Variants in LUZP2 observed in about 807,000 individuals in gnomAD.
LUZP2 encodes leucine zipper protein 2.
Under a neutral mutation model 51.6 loss-of-function variants are expected in LUZP2, and 52 were observed. The ratio of observed to expected loss-of-function variants is 1.01; its 90% CI spans 0.81 to 1.27. LUZP2 has a LOEUF of 1.27. Among genes scored for constraint, LUZP2 ranks in the 50% most tolerant of loss-of-function variants. LUZP2 has a pLI of 0.00. For missense variants in LUZP2, 436 were observed against 395.4 expected, an observed-to-expected ratio of 1.10 and a Z score of -0.87; for synonymous variants, 154 against 137.3, an observed-to-expected ratio of 1.12 and a Z score of -0.85.
chr11:24,912,424 A>G (rs903917114), intron 6 of LUZP2, among the ~76,000 whole-genome samples: 2 of 152,086 alleles, frequency 1.3e-5, no homozygotes, highest in African/African-American at 4.8e-5. Context: ...ACTTGAATCA[A>G]TCATACTTAT....
At chr11:24,689,465 T>C (rs1019268518) in intron 1 of LUZP2, among the ~76,000 whole-genome samples, 4 of 152,170 alleles carry the variant, frequency 2.6e-5, no homozygotes, top group East Asian at 1.9e-4. Flanking sequence ...TGAGTGCTTA[T>C]TGGGAAGCGG....
intron 1 of LUZP2, among the ~76,000 whole-genome samples, chr11:24,570,166 A>G (rs942226396): frequency 2.0e-5 from 3 of 152,052 alleles, no homozygotes; most frequent in African/African-American, 7.2e-5. Context: ...TTCCATGTAT[A>G]TACTTTTCTT....
intron 9 of LUZP2, among the ~76,000 whole-genome samples, chr11:25,000,604 T>C (rs1856656831): frequency 6.6e-6 from 1 of 152,184 alleles, no homozygotes; most frequent in Admixed American, 6.5e-5. Flanking sequence ...GCTGCCACGG[T>C]ACTTAGAAAG....
chr11:24,975,752 T>A (rs1007716411), intron 7 of LUZP2, among the ~76,000 whole-genome samples: 2 of 152,034 alleles, frequency 1.3e-5, no homozygotes, highest in African/African-American at 4.8e-5. Flanking sequence ...AATATATGAA[T>A]TCCAAATCTG....
At chr11:24,631,338 T>A (rs1245752922) in intron 1 of LUZP2, among the ~76,000 whole-genome samples, 1 of 151,894 alleles carries the variant, frequency 6.6e-6, no homozygotes, top group Non-Finnish European at 1.5e-5. Context: ...TATATGGCCA[T>A]TATCATTTTG....
intron 5 of LUZP2, among the ~76,000 whole-genome samples, chr11:24,801,690 A>G (rs1849701471): frequency 6.6e-6 from 1 of 151,680 alleles, no homozygotes; most frequent in Non-Finnish European, 1.5e-5. Context: ...TTCTAATAGT[A>G]TTATCATTTA....
At chr11:25,052,611 T>C (rs575298672) in intron 10 of LUZP2, among the ~76,000 whole-genome samples, 1 of 152,298 alleles carries the variant, frequency 6.6e-6, no homozygotes, top group East Asian at 1.9e-4. Context: ...AGCCATAATA[T>C]TCTGATTTGC....
At chr11:24,718,198 T>C (rs1357910303) in intron 1 of LUZP2, among the ~76,000 whole-genome samples, 1 of 152,162 alleles carries the variant, frequency 6.6e-6, no homozygotes, top group Non-Finnish European at 1.5e-5. Flanking sequence ...TTCTACACCA[T>C]AAGCCAATTA....
chr11:24,846,585 A>G (rs565324395), intron 5 of LUZP2, among the ~76,000 whole-genome samples: 1 of 152,290 alleles, frequency 6.6e-6, no homozygotes, highest in African/African-American at 2.4e-5. Context: ...CTAGTTGTCT[A>G]TTAAAGAGAA....
In LUZP2 at chr11:24,684,956, T is replaced by C. The variant is rs570832804; in HGVS notation, c.63-44213T>C. Among the ~76,000 whole-genome samples, 280 of 152,210 alleles carry C rather than the reference T, an allele frequency of 1.8e-3. 1 individual carries two copies. Among genetic ancestry groups the C allele is most frequent in the Non-Finnish European group, 1.0e-3 (71 of 68,016 alleles). On this transcript the variant is annotated intron_variant, in intron 1 of 11. Transcript: ENST00000336930. ...GAGTGTTTTCCCTCATTTTGGATGC[T>C]TATGTGTTTCTCTTAAAGTGGATGC... is the stretch of plus-strand genomic sequence containing the variant.
intron 1 of LUZP2, among the ~76,000 whole-genome samples, chr11:24,541,569 T>A (rs1266546791): frequency 6.6e-6 from 1 of 152,138 alleles, no homozygotes; most frequent in Non-Finnish European, 1.5e-5. Flanking sequence ...GTATGGATGT[T>A]TTGTTGAATT....
At chr11:24,847,202 A>T (rs559964111) in intron 5 of LUZP2, among the ~76,000 whole-genome samples, 2 of 152,182 alleles carry the variant, frequency 1.3e-5, no homozygotes, top group South Asian at 4.1e-4. Flanking sequence ...AGCATTGTAT[A>T]TATTCATTTA....
chr11:24,906,498 T>A (rs1211641772), intron 6 of LUZP2, among the ~76,000 whole-genome samples: 2 of 152,120 alleles, frequency 1.3e-5, no homozygotes, highest in African/African-American at 4.8e-5. Flanking sequence ...TTGGTTCTAT[T>A]TGCTGTGTAG....
chr11:24,615,373 T>C (rs908888710), intron 1 of LUZP2, among the ~76,000 whole-genome samples: 14 of 152,060 alleles, frequency 9.2e-5, no homozygotes, highest in Admixed American at 6.6e-4. Flanking sequence ...CATTTTGGTC[T>C]TTTAAATAAT....
chr11:24,676,653 T>TTTTG lies in LUZP2; in HGVS notation c.63-52508_63-52505dup, dbSNP rs1323086017. 1.6e-3 allele frequency among the ~76,000 whole-genome samples: 160 copies of TTTTG among 100,900 alleles called. 2 individuals carry two copies. The highest frequency in any genetic ancestry group is 6.5e-4 in the Non-Finnish European group (30 of 46,304). 66.2% of individuals were successfully genotyped at this position (100,900 alleles called of 152,430 possible). A position where few individuals can be genotyped will look rare whatever the true frequency, so the allele number is the denominator to read the frequency against. On this transcript the variant is annotated intron_variant, in intron 1 of 11. Coordinates refer to ENST00000336930, the MANE Select transcript of LUZP2 (RefSeq NM_001009909.4). ...TAAGCCTCTCATAATTTATTTTTGT[T>TTTTG]TTTGTTTGTTTTTTTTTTGTTTGTT...
intron 1 of LUZP2, among the ~76,000 whole-genome samples, chr11:24,511,973 T>G (rs1193513458): frequency 6.6e-6 from 1 of 151,856 alleles, no homozygotes; most frequent in Non-Finnish European, 1.5e-5. Context: ...TATCAGAGAC[T>G]AGCATTTTCC....
chr11:25,015,048 A>G (rs1857108598), intron 9 of LUZP2, among the ~76,000 whole-genome samples: 1 of 152,182 alleles, frequency 6.6e-6, no homozygotes, highest in African/African-American at 2.4e-5. Context: ...TTTGTCAAAG[A>G]TCAGATAGTT....
At chr11:24,904,253 G>A (rs1178376766) in intron 5 of LUZP2, among the ~76,000 whole-genome samples, 2 of 151,872 alleles carry the variant, frequency 1.3e-5, no homozygotes, top group African/African-American at 2.4e-5. Context: ...GCATTTGTTT[G>A]TCTTCCTGTG....
rs1565131417 is a variant in LUZP2, at chr11:24,774,400, T to TCTTTATATATCTGTAGGGAGAATATATA, written c.396+11092_396+11093insCTTTATATATCTGTAGGGAGAATATATA. Among the ~76,000 whole-genome samples the TCTTTATATATCTGTAGGGAGAATATATA allele has an allele frequency of 2.4e-3, 258 of 106,380 alleles. 4 individuals are homozygous for TCTTTATATATCTGTAGGGAGAATATATA. Among genetic ancestry groups the TCTTTATATATCTGTAGGGAGAATATATA allele is most frequent in the Middle Eastern group, 0.015 (2 of 134 alleles). The allele number at this position is 106,380 out of a possible 152,430, so 69.8% of individuals were successfully genotyped here. ...TATATATACATACACACACACATAT[T>TCTTTATATATCTGTAGGGAGAATATATA]TATAAAGAATATATTCTTTATATAT... On this transcript the variant is annotated intron_variant, in intron 5 of 11. Coordinates refer to ENST00000336930, the MANE Select transcript of LUZP2 (RefSeq NM_001009909.4).
Sources: gnomAD v4.1 joint callset for allele counts (sites outside exome capture counted in the v4.1 genomes callset) on GRCh38, gnomAD v4.1.1 for gene constraint, MANE v1.5 for transcripts, NCBI Gene and HGNC (gene_info 2026-07-23, HGNC 2026-07-21) for gene names.